The following MGMT variants were observed in gnomAD, a reference collection of about 807,000 sequenced individuals.
MGMT encodes the protein O-6-methylguanine-DNA methyltransferase.
MGMT carries 14 observed loss-of-function variants against 15.9 expected under a neutral mutation model. The ratio of observed to expected loss-of-function variants is 0.88; its 90% CI spans 0.58 to 1.37. MGMT has a LOEUF of 1.37. Among genes scored for constraint, MGMT ranks in the 40% most tolerant of loss-of-function variants. The pLI is 0.00. For synonymous variants in MGMT, 130 were observed against 118.2 expected, an observed-to-expected ratio of 1.10 and a Z score of -0.65; for missense variants, 282 against 268.1, an observed-to-expected ratio of 1.05 and a Z score of -0.36.
intron 3 of MGMT, among the ~76,000 whole-genome samples, chr10:129,755,638 A>C (rs1020969040): frequency 1.3e-5 from 2 of 152,226 alleles, no homozygotes; most frequent in African/African-American, 4.8e-5. Flanking sequence ...CTCCTCAAGA[A>C]CTTGGAAGCA....
intron 2 of MGMT, among the ~76,000 whole-genome samples, chr10:129,618,096 A>G (rs758569216): frequency 1.6e-4 from 25 of 152,124 alleles, no homozygotes; most frequent in Admixed American, 5.2e-4. Context: ...TGCACCAGAG[A>G]TAGAGCCAGG....
chr10:129,758,869 T>C (rs1038332524), intron 3 of MGMT, among the ~76,000 whole-genome samples: 4 of 152,200 alleles, frequency 2.6e-5, no homozygotes, highest in Admixed American at 6.5e-5. Context: ...TGTGTATTAA[T>C]TGAGCCATGA....
chr10:129,523,065 A>C (rs1351994580), intron 1 of MGMT, among the ~76,000 whole-genome samples: 1 of 152,272 alleles, frequency 6.6e-6, no homozygotes, highest in African/African-American at 2.4e-5. Flanking sequence ...TTTCATTTTG[A>C]ACACCAGCCT....
chr10:129,649,993 G>C (rs538433217), intron 2 of MGMT, among the ~76,000 whole-genome samples: 1 of 151,910 alleles, frequency 6.6e-6, no homozygotes, highest in South Asian at 2.1e-4. Flanking sequence ...TCCCTTTCTC[G>C]TGGAGATCGG....
intron 3 of MGMT, among the ~76,000 whole-genome samples, chr10:129,733,177 G>A: frequency 7.4e-6 from 1 of 135,524 alleles, no homozygotes; most frequent in Non-Finnish European, 1.6e-5. Context: ...CCCACCAACA[G>A]TGTAAAAGTG....
At chr10:129,632,280 A>G (rs1847218764) in intron 2 of MGMT, among the ~76,000 whole-genome samples, 2 of 152,346 alleles carry the variant, frequency 1.3e-5, no homozygotes, top group Non-Finnish European at 2.9e-5. Context: ...TTGTGCTGTC[A>G]TGCCATCCTG....
intron 2 of MGMT, among the ~76,000 whole-genome samples, chr10:129,580,035 A>T (rs1846533841): frequency 6.6e-6 from 1 of 152,096 alleles, no homozygotes; most frequent in Non-Finnish European, 1.5e-5. Context: ...CAAACTTGGT[A>T]TTTATTAGGT....
At chr10:129,702,850 G>A (rs933250797) in intron 2 of MGMT, among the ~76,000 whole-genome samples, 3 of 152,172 alleles carry the variant, frequency 2.0e-5, no homozygotes, top group African/African-American at 4.8e-5. Context: ...TACGGAGCCC[G>A]TAATTGTTAG....
chr10:129,597,892 G>A (rs1298809646), intron 2 of MGMT, among the ~76,000 whole-genome samples: 1 of 152,162 alleles, frequency 6.6e-6, no homozygotes, highest in Non-Finnish European at 1.5e-5. Context: ...TTAAAAAATG[G>A]CATAGGGCAT....
At chr10:129,543,279 T>C (rs1846064503) in intron 2 of MGMT, among the ~76,000 whole-genome samples, 1 of 152,028 alleles carries the variant, frequency 6.6e-6, no homozygotes, top group African/African-American at 2.4e-5. Context: ...AACCCTGCCG[T>C]TGTGTGATAG....
chr10:129,621,136 A>G (rs1847086114), intron 2 of MGMT, among the ~76,000 whole-genome samples: 1 of 152,198 alleles, frequency 6.6e-6, no homozygotes, highest in Non-Finnish European at 1.5e-5. Context: ...AATAATTTAA[A>G]TATAAATAGC....
At chr10:129,587,415 T>C (rs1846630505) in intron 2 of MGMT, among the ~76,000 whole-genome samples, 2 of 150,056 alleles carry the variant, frequency 1.3e-5, no homozygotes, top group Admixed American at 1.3e-4. Context: ...GCTTTGAATG[T>C]CATCTAGTAT....
At chr10:129,524,498 C>T (rs538135879) in intron 1 of MGMT, among the ~76,000 whole-genome samples, 1 of 150,488 alleles carries the variant, frequency 6.6e-6, no homozygotes, top group South Asian at 2.1e-4. Flanking sequence ...TTTCTTTGGT[C>T]TGCAGTGACA....
chr10:129,568,415 C>G (rs1014690331), intron 2 of MGMT, among the ~76,000 whole-genome samples: 6 of 152,152 alleles, frequency 3.9e-5, no homozygotes, highest in Admixed American at 1.3e-4. Context: ...GGCAAATGTC[C>G]TGGGATTGGA....
chr10:129,651,652 A>G (rs1436534957), intron 2 of MGMT, among the ~76,000 whole-genome samples: 1 of 152,160 alleles, frequency 6.6e-6, no homozygotes. Flanking sequence ...AGTGTCGCCT[A>G]TAGAATCCAT....
intron 2 of MGMT, among the ~76,000 whole-genome samples, chr10:129,550,765 G>A (rs1408314962): frequency 1.3e-5 from 2 of 152,120 alleles, no homozygotes; most frequent in Admixed American, 1.3e-4. Flanking sequence ...GAACTTTTCT[G>A]TCTTGCAGAA....
chr10:129,689,086 C>T (rs763141329), intron 2 of MGMT, among the ~76,000 whole-genome samples: 10 of 152,092 alleles, frequency 6.6e-5, no homozygotes, highest in Non-Finnish European at 8.8e-5. Flanking sequence ...TGCACCACCA[C>T]GCCCAGCTAA....
intron 2 of MGMT, among the ~76,000 whole-genome samples, chr10:129,684,458 T>C (rs1847884620): frequency 6.6e-6 from 1 of 152,208 alleles, no homozygotes; most frequent in Admixed American, 6.5e-5. Flanking sequence ...AGACCAACTT[T>C]CTTTTTCCAC....
At chr10:129,661,135 C>T (rs1589921598) in intron 2 of MGMT, among the ~76,000 whole-genome samples, 2 of 152,094 alleles carry the variant, frequency 1.3e-5, no homozygotes, top group East Asian at 1.9e-4. Flanking sequence ...ATAGGCTTTC[C>T]GCAGCTGGTT....
Sources: allele counts gnomAD v4.1 joint callset (sites outside exome capture counted in the v4.1 genomes callset), GRCh38; gene constraint gnomAD v4.1.1; transcripts MANE v1.5; gene names NCBI Gene and HGNC (gene_info 2026-07-23, HGNC 2026-07-21).